The following CYBB variants were observed in gnomAD, a reference collection of about 807,000 sequenced individuals.
CYBB encodes NADPH oxidase 2.
CYBB carries 5 observed loss-of-function variants against 46.5 expected under a neutral mutation model. The observed-to-expected ratio is 0.11, with a 90% CI of 0.06 to 0.23. The LOEUF (loss-of-function observed/expected upper bound fraction) is 0.23, where lower values mean the gene tolerates loss of function less well. Ranked by LOEUF, CYBB falls within the 10% of genes least tolerant of loss-of-function variation. CYBB has a pLI of 1.00. For synonymous variants in CYBB, 183 were observed against 156.7 expected, an observed-to-expected ratio of 1.17 and a Z score of -1.26; for missense variants, 307 against 428.3, an observed-to-expected ratio of 0.72 and a Z score of 2.50.
At chrX:37,781,274 G>A (rs1928947596) in intron 1 of CYBB, among the ~76,000 whole-genome samples, 1 of 112,660 alleles carries the variant, frequency 8.9e-6, no homozygotes, top group East Asian at 2.8e-4. Context: ...ATATACTCAT[G>A]CACTTGAAAG....
chrX:37,811,768 G>A lies in CYBB; in HGVS notation c.*851G>A, dbSNP rs1300454533. The A allele has an allele frequency of 2.7e-5, 3 of 111,637 alleles. No individual in the cohort carries two copies. Among genetic ancestry groups the A allele is most frequent in the Admixed American group, 9.5e-5 (1 of 10,524 alleles). The allele number at this position is 111,637 out of a possible 1,213,427, so 9.2% of individuals were successfully genotyped here. A position where few individuals can be genotyped will look rare whatever the true frequency, so the allele number is the denominator to read the frequency against. On this transcript the variant is annotated 3_prime_UTR_variant, in exon 13 of 13. Transcript: ENST00000378588. ...ACCAAAGGAATCTGATTCTCCCTAG[G>A]GTCAAGAACAGGCTAAGGATACTAA... is the stretch of plus-strand genomic sequence containing the variant.
rs147525662 is a variant in CYBB at position 37,790,787 on chromosome X, A to G, written c.253-1188A>G. Among the ~76,000 whole-genome samples, 355 of 111,517 alleles carry G rather than the reference A, an allele frequency of 3.2e-3. 1 individual carries two copies. Among genetic ancestry groups the G allele is most frequent in the African/African-American group, 0.011 (342 of 30,697 alleles). On this transcript the variant is annotated intron_variant, in intron 3 of 12. Transcript: ENST00000378588. ...ACACCCCTATATTTAAATTGAATAA[A>G]ACATTTAGAACCAAATATTTTAAGT... is the stretch of plus-strand genomic sequence containing the variant.
chrX:37,801,269 T>C lies in CYBB; in HGVS notation c.818T>C (p.Ile273Thr). The change falls in exon 8 of 13, where the codon ATA (isoleucine) becomes ACA (threonine). Residue 273 changes from isoleucine to threonine, a missense_variant. Physicochemically the swap from Ile to Thr is moderately conservative, Grantham distance 89. Coordinates refer to ENST00000378588, the MANE Select transcript of CYBB (RefSeq NM_000397.4). The part of the protein sequence containing the change: ...AGNPPMTWKW[I>T]VGPMFLYLCE... ...CTCTGATTACAGACTTGGAAATGGA[T>C]AGTGGGTCCCATGTTTCTGTATCTC... is the stretch of plus-strand genomic sequence containing the variant. The C allele has an allele frequency of 8.3e-7, 1 of 1,205,347 alleles. No homozygotes were observed.
intron 1 of CYBB, 57 bp downstream of exon 1, chrX:37,780,179 A>G (rs1401815184): frequency 9.9e-7 from 1 of 1,014,030 alleles, no homozygotes; most frequent in Non-Finnish European, 1.4e-6. Flanking sequence ...GTTATCTTGG[A>G]ACTAAAATAG....
At chrX:37,782,309 A>C in intron 2 of CYBB, 126 bp downstream of exon 2, 1 of 521,439 alleles carries the variant, frequency 1.9e-6, no homozygotes, top group Non-Finnish European at 3.4e-6. Flanking sequence ...CATTAGCCTC[A>C]CTCCCTCCAT....
Position 37,799,025 on chromosome X carries a change from T to G in CYBB, c.745T>G (p.Ser249Ala). The G allele has an allele frequency of 8.3e-7, 1 of 1,208,407 alleles. No homozygotes were observed. The highest frequency in any genetic ancestry group is 1.1e-6 in the Non-Finnish European group (1 of 892,767). The change falls in exon 7 of 13, where the codon TCA becomes GCA. Residue 249 changes from serine to alanine, a missense_variant. Coordinates refer to ENST00000378588, the MANE Select transcript of CYBB (RefSeq NM_000397.4). ...TATAACAGTTTGTGAACAAAAAATC[T>G]CAGAATGGGGAAAAATAAAGGAATG... ...HNITVCEQKI[S>A]EWGKIKECPI...
At chrX:37,800,565 G>A (rs1230039261) in intron 7 of CYBB, among the ~76,000 whole-genome samples, 5 of 111,354 alleles carry the variant, frequency 4.5e-5, no homozygotes, top group African/African-American at 1.6e-4. Context: ...TGCTAGTTTA[G>A]GTATTAAACT....
In CYBB at chrX:37,796,023, C is replaced by T. The variant is rs1187672764; in HGVS notation, c.556C>T (p.Leu186Phe). The change falls in exon 6 of 13, where the codon CTC becomes TTC. Residue 186 changes from leucine (L) to phenylalanine (F), a missense_variant. Physicochemically the swap from Leu to Phe is conservative, Grantham distance 22 (BLOSUM62 0). Around this residue, in one of 3 missense-constraint regions of CYBB, gnomAD observed 103 missense variants for 150.2 expected, o/e 0.69. Transcript: ENST00000378588. Reference protein sequence around the residue: ...GITGVVITLCLILIITSSTKT... With the variant: ...GITGVVITLCFILIITSSTKT... Reference sequence around the variant, plus strand: ...CACTGGAGTTGTCATCACGCTGTGCCTCATATTAATTATCACTTCCTCCAC... The same window carrying T: ...CACTGGAGTTGTCATCACGCTGTGCTTCATATTAATTATCACTTCCTCCAC... The T allele has an allele frequency of 2.5e-6, 3 of 1,208,542 alleles. No individual in the cohort carries two copies. The African/African-American group carries it at 5.2e-5, about 21-fold the overall frequency.
chrX:37,802,140 C>A (rs1217737508), intron 8 of CYBB, among the ~76,000 whole-genome samples: 1 of 111,844 alleles, frequency 8.9e-6, no homozygotes, highest in Non-Finnish European at 1.9e-5. Context: ...GCAAAACACA[C>A]AAATTCTTCC....
At chrX:37,810,713 A>G in intron 12 of CYBB, 78 bp from the exon 13 acceptor site, 7 of 1,087,347 alleles carry the variant, frequency 6.4e-6, no homozygotes, top group Non-Finnish European at 8.8e-6. Context: ...GCCTCAAATT[A>G]ACGGGAAATT....
chrX:37,804,217 C>T (rs1307328936), intron 9 of CYBB, 87 bp downstream of exon 9: 1 of 979,794 alleles, frequency 1.0e-6, no homozygotes, highest in Admixed American at 2.3e-5. Flanking sequence ...TTTACTAAGT[C>T]TCCAACAAAA....
intron 3 of CYBB, among the ~76,000 whole-genome samples, chrX:37,788,868 C>G: frequency 8.9e-6 from 1 of 111,873 alleles, no homozygotes; most frequent in East Asian, 2.8e-4. Flanking sequence ...AAAACAACCC[C>G]TGTTTATTAG....
At chrX:37,796,866 T>C (rs1456091326) in intron 6 of CYBB, among the ~76,000 whole-genome samples, 1 of 111,869 alleles carries the variant, frequency 8.9e-6, no homozygotes, top group Non-Finnish European at 1.9e-5. Flanking sequence ...CCAGCTGAGA[T>C]TGGAGCCAGG....
chrX:37,795,889 CATGTGTGTGTGTGTGT>C lies in CYBB; in HGVS notation c.484-61_484-46del, dbSNP rs1377961882. 4.2e-5 allele frequency: 29 copies of C among 689,557 alleles called. No homozygotes were observed. The African/African-American group carries it at 6.8e-4, about 16-fold the overall frequency. The allele number at this position is 689,557 out of a possible 1,213,427, so 56.8% of individuals were successfully genotyped here. A position where few individuals can be genotyped will look rare whatever the true frequency, so the allele number is the denominator to read the frequency against. On this transcript the variant is annotated intron_variant, in intron 5 of 12. Transcript: ENST00000378588. ...GAACCTATAATATTGTGCTTGCGCA[CATGTGTGTGTGTGTGT>C]GTGTGTGTGTGTGTGTGTGTGTGTG...
chrX:37,783,987 T>C (rs1315680776), intron 3 of CYBB, among the ~76,000 whole-genome samples: 1 of 111,498 alleles, frequency 9.0e-6, no homozygotes, highest in Non-Finnish European at 1.9e-5. Flanking sequence ...AGAGGAAATA[T>C]CTTCTGTGGA....
chrX:37,787,559 G>T lies in CYBB; in HGVS notation c.252+3959G>T, dbSNP rs782700063. 2.7e-5 allele frequency among the ~76,000 whole-genome samples: 3 copies of T among 112,100 alleles called. No homozygotes were observed. In the East Asian group the frequency reaches 8.4e-4, roughly 31 times the overall value. On this transcript the variant is annotated intron_variant, in intron 3 of 12. Coordinates refer to ENST00000378588, the MANE Select transcript of CYBB (RefSeq NM_000397.4). ...GGCAAGGCTTCCGGTGACAGTAACA[G>T]AGAAACTTCCCTTTAGAAGTCAATG...
At chrX:37,781,417 C>T (rs1459954004) in intron 1 of CYBB, among the ~76,000 whole-genome samples, 4 of 112,296 alleles carry the variant, frequency 3.6e-5, no homozygotes, top group Non-Finnish European at 7.5e-5. Flanking sequence ...AGCTTCAAAG[C>T]ATAGTTGAGA....
chrX:37,790,270 G>A (rs904745570), intron 3 of CYBB, among the ~76,000 whole-genome samples: 14 of 111,252 alleles, frequency 1.3e-4, no homozygotes, highest in African/African-American at 4.2e-4. Flanking sequence ...TTTTACCCTC[G>A]TTTTCTATGA....
intron 3 of CYBB, among the ~76,000 whole-genome samples, chrX:37,784,651 T>C (rs1929022279): frequency 8.9e-6 from 1 of 111,768 alleles, no homozygotes; most frequent in Non-Finnish European, 1.9e-5. Context: ...GGTGTCCTGG[T>C]GGGACCAATT....
Sources: gnomAD v4.1 joint callset for allele counts (sites outside exome capture counted in the v4.1 genomes callset) on GRCh38, gnomAD v4.1.1 for gene constraint, gnomAD v4.1.1 regional missense constraint, MANE v1.5 for transcripts, NCBI Gene and HGNC (gene_info 2026-07-23, HGNC 2026-07-21) for gene names.